The following RAB38 variants were observed in gnomAD, a reference collection of about 807,000 sequenced individuals.
The protein encoded by RAB38 is RAB38, member RAS oncogene family.
Under a neutral mutation model 18.4 loss-of-function variants are expected in RAB38, and 15 were observed. The observed-to-expected ratio is 0.82, with a 90% confidence interval of 0.55 to 1.26. The LOEUF (loss-of-function observed/expected upper bound fraction) is 1.26. Among genes scored for constraint, RAB38 ranks in the 50% most tolerant of loss-of-function variants. The probability of loss-of-function intolerance (pLI) is 0.00; values close to 1 mark genes in which losing one functional copy is unlikely to be tolerated. For synonymous variants in RAB38, 101 were observed against 104.4 expected (o/e 0.97, Z 0.20); for missense variants, 294 against 267.4 (o/e 1.10, Z -0.69).
chr11:88,045,016 C>CT, the RAB38 span, among the ~76,000 whole-genome samples: 2 of 152,190 alleles, frequency 1.3e-5, no homozygotes, highest in African/African-American at 2.4e-5. Flanking sequence ...ATAGTCAAGG[C>CT]TAATGCTTCT....
chr11:87,938,619 GTT>G, the RAB38 span, among the ~76,000 whole-genome samples: 1 of 99,852 alleles, frequency 1.0e-5, no homozygotes, highest in Non-Finnish European at 1.9e-5. Flanking sequence ...GCTCTTTTCC[GTT>G]TTTTTTTTTT....
At chr11:87,902,764 A>G in the RAB38 span, among the ~76,000 whole-genome samples, 10 of 151,272 alleles carry the variant, frequency 6.6e-5, no homozygotes, top group Non-Finnish European at 1.2e-4. Context: ...AGCGTTTTGC[A>G]TATTGTGATG....
the RAB38 span, among the ~76,000 whole-genome samples, chr11:88,086,917 A>G: frequency 1.3e-5 from 2 of 151,956 alleles, no homozygotes; most frequent in Non-Finnish European, 2.9e-5. Context: ...TGTATCAATT[A>G]TCTTTACAGA....
chr11:87,965,598 A>G, the RAB38 span, among the ~76,000 whole-genome samples: 1 of 152,088 alleles, frequency 6.6e-6, no homozygotes, highest in Non-Finnish European at 1.5e-5. Flanking sequence ...GGGTGAAAGA[A>G]AGTTTTTACC....
chr11:87,814,734 C>CTTT, the RAB38 span, among the ~76,000 whole-genome samples: 6 of 148,700 alleles, frequency 4.0e-5, no homozygotes, highest in Admixed American at 1.4e-4. Context: ...TTTTCTTTTT[C>CTTT]TTTTTCTTTT....
At chr11:88,122,004 C>T (rs1317749155) in intron 2 of RAB38, among the ~76,000 whole-genome samples, 1 of 152,168 alleles carries the variant, frequency 6.6e-6, no homozygotes, top group East Asian at 1.9e-4. Flanking sequence ...ACATGTAGCC[C>T]AGAGTTATTA....
the RAB38 span, among the ~76,000 whole-genome samples, chr11:88,083,858 C>T: frequency 1.3e-5 from 2 of 151,894 alleles, no homozygotes; most frequent in African/African-American, 2.4e-5. Flanking sequence ...AACTTCCCTG[C>T]CTCCAAAACT....
the RAB38 span, among the ~76,000 whole-genome samples, chr11:88,004,659 A>G: frequency 6.6e-6 from 1 of 151,290 alleles, no homozygotes; most frequent in African/African-American, 2.4e-5. Flanking sequence ...AAAAATATGT[A>G]AAAAGTACAG....
the RAB38 span, among the ~76,000 whole-genome samples, chr11:87,868,608 A>AGAGAGAGAAG: frequency 0.072 from 7,376 of 103,018 alleles, 514 homozygotes; most frequent in Non-Finnish European, 0.087. Flanking sequence ...AGAGAGAGAG[A>AGAGAGAGAAG]GAGAGAGAGA....
the RAB38 span, among the ~76,000 whole-genome samples, chr11:88,048,979 A>T: frequency 6.6e-6 from 1 of 152,146 alleles, no homozygotes; most frequent in Non-Finnish European, 1.5e-5. Flanking sequence ...AACCGCATCC[A>T]GGCCATCACC....
At chr11:88,031,097 C>A in the RAB38 span, among the ~76,000 whole-genome samples, 2 of 150,974 alleles carry the variant, frequency 1.3e-5, no homozygotes, top group African/African-American at 4.9e-5. Context: ...TAAATGTAAT[C>A]CAGCATATAA....
At chr11:88,156,616 C>T (rs574523852) in intron 1 of RAB38, among the ~76,000 whole-genome samples, 5 of 152,224 alleles carry the variant, frequency 3.3e-5, no homozygotes, top group Non-Finnish European at 2.9e-5. Flanking sequence ...GCAGGAGAAA[C>T]ACTTGAACCT....
chr11:88,102,674 G>C, the RAB38 span, among the ~76,000 whole-genome samples: 1 of 152,140 alleles, frequency 6.6e-6, no homozygotes, highest in East Asian at 1.9e-4. Flanking sequence ...GATTGCTCAA[G>C]AAAGCATGAA....
the RAB38 span, among the ~76,000 whole-genome samples, chr11:88,053,876 G>A: frequency 6.6e-6 from 1 of 151,298 alleles, no homozygotes; most frequent in African/African-American, 2.4e-5. Flanking sequence ...GATGAGAAAG[G>A]CATTCTTACT....
At chr11:88,084,385 C>T in the RAB38 span, among the ~76,000 whole-genome samples, 734 of 151,532 alleles carry the variant, frequency 4.8e-3, 7 homozygotes, top group African/African-American at 0.017. Flanking sequence ...GTGAATGGAG[C>T]TCCAAGAGGT....
chr11:87,850,497 CTT>C, the RAB38 span, among the ~76,000 whole-genome samples: 4 of 151,940 alleles, frequency 2.6e-5, no homozygotes, highest in Non-Finnish European at 5.9e-5. Context: ...CGCATGCACT[CTT>C]ATGTTTTGAG....
chr11:88,164,777 A>G (rs1943228827), intron 1 of RAB38, among the ~76,000 whole-genome samples: 1 of 152,122 alleles, frequency 6.6e-6, no homozygotes, highest in Non-Finnish European at 1.5e-5. Context: ...GAACTGAGAA[A>G]GTTTGAGAAC....
chr11:87,971,138 C>T, the RAB38 span, among the ~76,000 whole-genome samples: 1 of 151,992 alleles, frequency 6.6e-6, no homozygotes, highest in Non-Finnish European at 1.5e-5. Flanking sequence ...GCCTGATTAT[C>T]AGTTTGGTTT....
At chr11:87,962,718 A>C in the RAB38 span, among the ~76,000 whole-genome samples, 1 of 152,214 alleles carries the variant, frequency 6.6e-6, no homozygotes, top group African/African-American at 2.4e-5. Flanking sequence ...AAATTTTTTC[A>C]GACGGAGGAA....
Sources: gnomAD v4.1 joint callset for allele counts (sites outside exome capture counted in the v4.1 genomes callset) on GRCh38, gnomAD v4.1.1 for gene constraint, MANE v1.5 for transcripts, NCBI Gene and HGNC (gene_info 2026-07-23, HGNC 2026-07-21) for gene names.